LHFPL3: variants seen among roughly 807,000 people sequenced by gnomAD.
LHFPL3 encodes the protein LHFPL tetraspan subfamily member 3 protein.
LHFPL3 carries 5 observed loss-of-function variants against 19.3 expected under a neutral mutation model. The ratio of observed to expected loss-of-function variants is 0.26; its 90% confidence interval spans 0.14 to 0.54. LHFPL3 has a LOEUF of 0.54. Among genes scored for constraint, LHFPL3 ranks in the 20% least tolerant of loss-of-function variants. The pLI, the probability that LHFPL3 is intolerant of heterozygous loss-of-function variation, is 0.94. For missense variants in LHFPL3, 249 were observed against 307.4 expected (o/e 0.81, Z 1.42); for synonymous variants, 133 against 126.2 (o/e 1.05, Z -0.36).
intron 1 of LHFPL3, among the ~76,000 whole-genome samples, chr7:104,719,434 G>T (rs1023451662): frequency 6.6e-6 from 1 of 152,162 alleles, no homozygotes; most frequent in Admixed American, 6.5e-5. Flanking sequence ...GGAACAAACT[G>T]TATGTGTATA....
At chr7:104,587,972 T>G (rs1450013147) in intron 1 of LHFPL3, among the ~76,000 whole-genome samples, 1 of 152,216 alleles carries the variant, frequency 6.6e-6, no homozygotes, top group Non-Finnish European at 1.5e-5. Flanking sequence ...GGGTTGTTTT[T>G]TTCTTGTAAA....
chr7:104,709,051 A>G (rs1298701652), intron 1 of LHFPL3, among the ~76,000 whole-genome samples: 1 of 152,040 alleles, frequency 6.6e-6, no homozygotes, highest in Non-Finnish European at 1.5e-5. Context: ...ACTGACAAGA[A>G]CTCCCTTAAC....
chr7:104,831,253 G>C (rs745466876), intron 2 of LHFPL3, among the ~76,000 whole-genome samples: 7 of 151,714 alleles, frequency 4.6e-5, no homozygotes, highest in Non-Finnish European at 8.8e-5. Context: ...TGCATAATAT[G>C]ATACTGAAAT....
intron 1 of LHFPL3, among the ~76,000 whole-genome samples, chr7:104,420,833 A>AT (rs1303828156): frequency 6.6e-6 from 1 of 152,178 alleles, no homozygotes; most frequent in Non-Finnish European, 1.5e-5. Flanking sequence ...AAGTGCTGGG[A>AT]TTACAGGCGT....
At chr7:104,364,010 A>G (rs1021956275) in intron 1 of LHFPL3, among the ~76,000 whole-genome samples, 1 of 152,256 alleles carries the variant, frequency 6.6e-6, no homozygotes, top group African/African-American at 2.4e-5. Flanking sequence ...ATGAACATTC[A>G]GAATAAACAA....
chr7:104,569,435 A>G (rs1174958556), intron 1 of LHFPL3, among the ~76,000 whole-genome samples: 1 of 152,152 alleles, frequency 6.6e-6, no homozygotes, highest in Non-Finnish European at 1.5e-5. Context: ...AGAACTGCAC[A>G]CCGTTGTATA....
intron 1 of LHFPL3, among the ~76,000 whole-genome samples, chr7:104,597,663 T>C (rs1351394225): frequency 6.6e-6 from 1 of 152,230 alleles, no homozygotes; most frequent in Non-Finnish European, 1.5e-5. Context: ...AGAATTATCT[T>C]TGCCAAAATT....
chr7:104,622,298 A>G (rs1348452194), intron 1 of LHFPL3, among the ~76,000 whole-genome samples: 1 of 152,030 alleles, frequency 6.6e-6, no homozygotes, highest in East Asian at 1.9e-4. Context: ...TTTCTTCTAG[A>G]GATGGAGTTT....
intron 1 of LHFPL3, among the ~76,000 whole-genome samples, chr7:104,603,130 CTTTT>C (rs1181148779): frequency 4.1e-5 from 4 of 98,726 alleles, no homozygotes; most frequent in Non-Finnish European, 2.1e-5. Context: ...TTCTTTCTTT[CTTTT>C]TTCCCTTCCT....
At chr7:104,682,744 T>A (rs1792730224) in intron 1 of LHFPL3, among the ~76,000 whole-genome samples, 1 of 152,218 alleles carries the variant, frequency 6.6e-6, no homozygotes, top group Admixed American at 6.5e-5. Flanking sequence ...GAGACACTGT[T>A]AGGATTTGAT....
chr7:104,480,413 C>T (rs553891217), intron 1 of LHFPL3, among the ~76,000 whole-genome samples: 4 of 152,182 alleles, frequency 2.6e-5, no homozygotes, highest in South Asian at 2.1e-4. Flanking sequence ...GGTTGCACAC[C>T]GGCATGTCCA....
chr7:104,889,967 A>T (rs1792213813), intron 2 of LHFPL3, among the ~76,000 whole-genome samples: 1 of 152,074 alleles, frequency 6.6e-6, no homozygotes, highest in Non-Finnish European at 1.5e-5. Context: ...TTTCCTAGAG[A>T]TCTTTCCTTC....
At chr7:104,443,443 A>C (rs533818263) in intron 1 of LHFPL3, among the ~76,000 whole-genome samples, 2 of 152,168 alleles carry the variant, frequency 1.3e-5, no homozygotes, top group Non-Finnish European at 2.9e-5. Flanking sequence ...GCGCCACTAG[A>C]CATCTTGGTA....
chr7:104,408,665 A>G (rs548998075), intron 1 of LHFPL3, among the ~76,000 whole-genome samples: 1 of 152,240 alleles, frequency 6.6e-6, no homozygotes, highest in African/African-American at 2.4e-5. Context: ...GGTAGAGTCT[A>G]TGTCAGAAAC....
chr7:104,857,143 T>A (rs562067225), intron 2 of LHFPL3, among the ~76,000 whole-genome samples: 1 of 152,208 alleles, frequency 6.6e-6, no homozygotes, highest in African/African-American at 2.4e-5. Flanking sequence ...GAGGACACCA[T>A]AGCTCAGTGA....
intron 1 of LHFPL3, among the ~76,000 whole-genome samples, chr7:104,413,654 A>T (rs73712124): frequency 0.016 from 2,429 of 152,302 alleles, 59 homozygotes; most frequent in African/African-American, 0.055. Context: ...TCTCCAAGGC[A>T]ACTCAGTTCT....
At chr7:104,773,025 T>G (rs1794579486) in intron 2 of LHFPL3, among the ~76,000 whole-genome samples, 1 of 152,212 alleles carries the variant, frequency 6.6e-6, no homozygotes, top group African/African-American at 2.4e-5. Context: ...TTATTAAAAT[T>G]TTATGAGTAA....
At chr7:104,430,016 A>T (rs559057922) in intron 1 of LHFPL3, among the ~76,000 whole-genome samples, 2 of 152,296 alleles carry the variant, frequency 1.3e-5, no homozygotes, top group South Asian at 4.1e-4. Context: ...TGGCTCCTCA[A>T]ACCGCTCTAG....
rs191344095 is a variant in LHFPL3 at position 104,771,657 on chromosome 7, G to A, written c.682+34746G>A. Among the ~76,000 whole-genome samples the A allele has an allele frequency of 2.2e-4, 33 of 150,944 alleles. No homozygotes were observed. In the East Asian group the frequency reaches 4.7e-3, roughly 21 times the overall value. ...GATATTTTGGCTCTATTTTGTAGTC[G>A]CTAATAAATACTGCTCACGCCACTC... On this transcript the variant is annotated intron_variant, in intron 2 of 2. Transcript: ENST00000424859.
Sources: gnomAD v4.1 joint callset for allele counts (sites outside exome capture counted in the v4.1 genomes callset) on GRCh38, gnomAD v4.1.1 for gene constraint, MANE v1.5 for transcripts, NCBI Gene and HGNC (gene_info 2026-07-23, HGNC 2026-07-21) for gene names.